Variants in SCAPER observed in about 807,000 individuals in gnomAD.
SCAPER encodes S-phase cyclin A associated protein in the ER, also known as S phase cyclin A-associated protein in the endoplasmic reticulum.
SCAPER carries 98 observed loss-of-function variants against 182.2 expected under a neutral mutation model. The observed-to-expected ratio is 0.54, with a 90% CI of 0.46 to 0.64. The LOEUF (loss-of-function observed/expected upper bound fraction) is 0.64. SCAPER is among the 30% of genes least tolerant of loss of function. The pLI is 0.00. For synonymous variants in SCAPER, 605 were observed against 564.6 expected (o/e 1.07, Z -1.01); for missense variants, 1,432 against 1,690.0 (o/e 0.85, Z 2.68).
chr15:76,655,634 T>C lies in SCAPER; in HGVS notation c.2645+10019A>G, dbSNP rs539668805. ...AAGTGAAAGGAAGAATTATCCATGA[T>C]GAACATGCGTACAAAAATCCTCAAG... is the stretch of plus-strand genomic sequence containing the variant. On this transcript the variant is annotated intron_variant, in intron 21 of 31. Coordinates refer to ENST00000563290, the MANE Select transcript of SCAPER (RefSeq NM_020843.4). Among the ~76,000 whole-genome samples, 83 of 152,266 alleles carry C rather than the reference T, an allele frequency of 5.5e-4. 2 individuals are homozygous for C. The South Asian group carries it at 0.012, about 22-fold the overall frequency.
At chr15:76,361,022 T>TA (rs77923587) in intron 29 of SCAPER, among the ~76,000 whole-genome samples, 2,286 of 134,646 alleles carry the variant, frequency 0.017, 22 homozygotes, top group Non-Finnish European at 0.023. Flanking sequence ...AAATTTAAAT[T>TA]AAAAAAAAAA....
intron 27 of SCAPER, among the ~76,000 whole-genome samples, chr15:76,391,128 T>C (rs933143483): frequency 2.0e-5 from 3 of 152,144 alleles, no homozygotes; most frequent in African/African-American, 4.8e-5. Context: ...TTCCAATATA[T>C]CACTTTCTCT....
chr15:76,491,916 G>A (rs145480887), intron 24 of SCAPER, among the ~76,000 whole-genome samples: 1,623 of 152,312 alleles, frequency 0.011, 37 homozygotes, highest in African/African-American at 0.037. Flanking sequence ...ACAGGCGTTA[G>A]CCACCGTGCC....
intron 23 of SCAPER, among the ~76,000 whole-genome samples, chr15:76,505,189 G>A (rs776623092): frequency 1.6e-4 from 24 of 152,128 alleles, no homozygotes; most frequent in Non-Finnish European, 2.8e-4. Context: ...TGTCCTCCAT[G>A]AAGCTTAAAA....
intron 9 of SCAPER, among the ~76,000 whole-genome samples, chr15:76,773,583 C>G (rs2063583014): frequency 6.6e-6 from 1 of 151,874 alleles, no homozygotes; most frequent in Non-Finnish European, 1.5e-5. Context: ...TAGGACTCTT[C>G]CATATTGTTA....
intron 8 of SCAPER, among the ~76,000 whole-genome samples, chr15:76,783,654 C>T (rs184991301): frequency 3.3e-5 from 5 of 152,246 alleles, no homozygotes; most frequent in East Asian, 3.9e-4. Context: ...ACTGGCAAAC[C>T]GAATCCAGCA....
At chr15:76,869,202 T>C (rs2151909061) in intron 2 of SCAPER, among the ~76,000 whole-genome samples, 1 of 152,122 alleles carries the variant, frequency 6.6e-6, no homozygotes, top group South Asian at 2.1e-4. Context: ...GATATTTGTC[T>C]GGGTAAAGAA....
chr15:76,870,757 A>G (rs2072660411), intron 2 of SCAPER, among the ~76,000 whole-genome samples: 3 of 152,142 alleles, frequency 2.0e-5, no homozygotes, highest in African/African-American at 7.2e-5. Flanking sequence ...ATAGAAGCAA[A>G]AACTGAAATC....
At chr15:76,484,761 T>C (rs2051459292) in intron 24 of SCAPER, among the ~76,000 whole-genome samples, 1 of 152,106 alleles carries the variant, frequency 6.6e-6, no homozygotes, top group Non-Finnish European at 1.5e-5. Flanking sequence ...AACGTAAGCA[T>C]ATCAATAAAT....
At chr15:76,799,722 TAG>T (rs944537612) in intron 7 of SCAPER, among the ~76,000 whole-genome samples, 8 of 152,154 alleles carry the variant, frequency 5.3e-5, no homozygotes, top group African/African-American at 1.9e-4. Context: ...CTTATCCCTG[TAG>T]AAGAGGATGC....
chr15:76,865,804 T>C (rs1568369014), intron 2 of SCAPER, among the ~76,000 whole-genome samples: 1 of 152,158 alleles, frequency 6.6e-6, no homozygotes, highest in Non-Finnish European at 1.5e-5. Flanking sequence ...AACTTGTCAC[T>C]TTTTACGTCT....
intron 20 of SCAPER, among the ~76,000 whole-genome samples, chr15:76,678,230 G>T (rs1488145842): frequency 1.3e-5 from 2 of 151,830 alleles, no homozygotes; most frequent in East Asian, 3.8e-4. Flanking sequence ...TTGCTTAAAG[G>T]CTTATTTCTT....
At chr15:76,384,597 A>T (rs574215862) in intron 27 of SCAPER, among the ~76,000 whole-genome samples, 1 of 152,344 alleles carries the variant, frequency 6.6e-6, no homozygotes, top group East Asian at 1.9e-4. Flanking sequence ...ACGGTAATTG[A>T]GGAAAATCTG....
At chr15:76,638,471 A>C (rs2053830114) in intron 21 of SCAPER, among the ~76,000 whole-genome samples, 1 of 152,182 alleles carries the variant, frequency 6.6e-6, no homozygotes, top group South Asian at 2.1e-4. Context: ...GTTCATCACT[A>C]AGTATGATAT....
intron 28 of SCAPER, among the ~76,000 whole-genome samples, chr15:76,379,311 A>C (rs1187993129): frequency 6.6e-6 from 1 of 152,148 alleles, no homozygotes; most frequent in African/African-American, 2.4e-5. Context: ...AAAAAACAGG[A>C]AGGAAAGAAC....
chr15:76,417,909 T>G (rs1225228706), intron 26 of SCAPER, among the ~76,000 whole-genome samples: 1 of 152,040 alleles, frequency 6.6e-6, no homozygotes, highest in Non-Finnish European at 1.5e-5. Flanking sequence ...TCCCAGCTAC[T>G]TGGGAGGCTG....
intron 14 of SCAPER, among the ~76,000 whole-genome samples, chr15:76,758,307 A>G (rs946145026): frequency 6.6e-6 from 1 of 152,188 alleles, no homozygotes; most frequent in African/African-American, 2.4e-5. Flanking sequence ...TCACGTGGAT[A>G]CCCAGTATTC....
At chr15:76,876,636 A>G (rs1293180906) in intron 2 of SCAPER, among the ~76,000 whole-genome samples, 2 of 152,198 alleles carry the variant, frequency 1.3e-5, no homozygotes, top group East Asian at 1.9e-4. Flanking sequence ...ATTTATTAAC[A>G]ACATAAAGGA....
chr15:76,662,067 G>A (rs574265312), intron 21 of SCAPER, among the ~76,000 whole-genome samples: 5 of 152,204 alleles, frequency 3.3e-5, no homozygotes, highest in Non-Finnish European at 5.9e-5. Flanking sequence ...CATCCTCAGC[G>A]AACTAATGCA....
Sources: gnomAD v4.1 joint callset for allele counts (sites outside exome capture counted in the v4.1 genomes callset) on GRCh38, gnomAD v4.1.1 for gene constraint, MANE v1.5 for transcripts, NCBI Gene and HGNC (gene_info 2026-07-23, HGNC 2026-07-21) for gene names.